COL27A1: variants seen among roughly 807,000 people sequenced by gnomAD.
COL27A1 encodes the protein collagen type XXVII alpha 1 chain, also known as collagen alpha-1(XXVII) chain.
A neutral mutation model predicts 251.3 loss-of-function variants in COL27A1; 106 were observed. The ratio of observed to expected loss-of-function variants is 0.42; its 90% CI spans 0.36 to 0.50. COL27A1 has a LOEUF of 0.50. COL27A1 is among the 20% of genes least tolerant of loss of function. COL27A1 has a pLI of 0.00. For missense variants in COL27A1, 2,325 were observed against 2,522.8 expected (o/e 0.92, Z 1.68); for synonymous variants, 1,000 against 986.3 (o/e 1.01, Z -0.26).
chr9:114,231,730 CG>C, intron 15 of COL27A1, 91 bp from the exon 16 acceptor site: 1 of 1,282,888 alleles, frequency 7.8e-7, no homozygotes, highest in African/African-American at 1.5e-5. Flanking sequence ...GGATCTAGCA[CG>C]GGGTCTTGCA....
At chr9:114,291,309 T>C (rs949639574) in intron 48 of COL27A1, among the ~76,000 whole-genome samples, 1 of 152,134 alleles carries the variant, frequency 6.6e-6, no homozygotes, top group Non-Finnish European at 1.5e-5. Context: ...GGCTGGACAC[T>C]GAAGGGGAGA....
chr9:114,165,674 A>G (rs1170220348), intron 2 of COL27A1, among the ~76,000 whole-genome samples: 3 of 150,154 alleles, frequency 2.0e-5, no homozygotes. Flanking sequence ...CCATCCATCC[A>G]TCCATCCATC....
intron 14 of COL27A1, among the ~76,000 whole-genome samples, chr9:114,227,281 G>A (rs1370375159): frequency 6.7e-6 from 1 of 149,590 alleles, no homozygotes; most frequent in Non-Finnish European, 1.5e-5. Flanking sequence ...TCTCATGTGA[G>A]ACATAGCAAT....
intron 12 of COL27A1, among the ~76,000 whole-genome samples, chr9:114,216,892 C>T (rs7870474): frequency 0.21 from 32,025 of 152,018 alleles, 4,288 homozygotes; most frequent in African/African-American, 0.37. Flanking sequence ...AATGAGCCCT[C>T]GGAGAGCCTG....
Position 114,168,403 on chromosome 9 carries a change from C to G in COL27A1, c.848C>G (p.Pro283Arg). ...GCCACACCAGCCCTGGGGTCACTGCCAGCAGGCAGGGGACCCAGGGGGACT... is the reference window on the plus strand; with the variant it reads ...GCCACACCAGCCCTGGGGTCACTGCGAGCAGGCAGGGGACCCAGGGGGACT... ...TTATPALGSL[P>R]AGRGPRGTVA... Residue 283 changes from proline (P) to arginine (R), a missense_variant, in exon 3 of 61, where the codon CCA (proline) becomes CGA (arginine). Pro to Arg is a moderately radical substitution (Grantham distance 103). Coordinates refer to ENST00000356083, the MANE Select transcript of COL27A1 (RefSeq NM_032888.4). The G allele has an allele frequency of 1.2e-6, 2 of 1,613,524 alleles. No homozygotes were observed. Among genetic ancestry groups the G allele is most frequent in the Non-Finnish European group, 8.5e-7 (1 of 1,179,994 alleles).
rs368012692 is a variant in COL27A1, at chr9:114,290,379, G to A, written c.4368+48G>A. On this transcript the variant is annotated intron_variant, in intron 47 of 60. Coordinates refer to ENST00000356083, the MANE Select transcript of COL27A1 (RefSeq NM_032888.4). The surrounding 1 kb of genome is among the most constrained non-coding windows in gnomAD (Gnocchi z 4.6). The stretch of plus-strand genomic sequence containing the variant: ...AGATGGTGGCTCCATTTGGGACCAG[G>A]TGTAGGGGAACTTCCCCAGGCCATG... 18 of 1,484,130 alleles carry A rather than the reference G, an allele frequency of 1.2e-5. No individual in the cohort carries two copies. Among genetic ancestry groups the A allele is most frequent in the Non-Finnish European group, 1.3e-5 (14 of 1,085,734 alleles). 91.9% of individuals were successfully genotyped at this position (1,484,130 alleles called of 1,614,324 possible).
At chr9:114,286,691 T>C (rs983549301) in intron 41 of COL27A1, among the ~76,000 whole-genome samples, 2 of 152,148 alleles carry the variant, frequency 1.3e-5, no homozygotes, top group Non-Finnish European at 2.9e-5. Context: ...TGTATACATA[T>C]GTAACAAACC....
At chr9:114,283,145 G>A (rs1160175479) in intron 39 of COL27A1, among the ~76,000 whole-genome samples, 2 of 152,214 alleles carry the variant, frequency 1.3e-5, no homozygotes, top group Non-Finnish European at 1.5e-5. Flanking sequence ...AGGCTGGTTT[G>A]TGGTATTTGC....
intron 13 of COL27A1, 86 bp downstream of exon 13, chr9:114,219,930 C>T (rs1425266810): frequency 4.9e-6 from 5 of 1,015,140 alleles, no homozygotes; most frequent in Non-Finnish European, 7.8e-6. Flanking sequence ...TAGGGTCAGA[C>T]AGACCTGGGT....
intron 3 of COL27A1, among the ~76,000 whole-genome samples, chr9:114,175,473 G>T (rs1827355582): frequency 6.6e-6 from 1 of 152,240 alleles, no homozygotes; most frequent in Admixed American, 6.5e-5. Context: ...ACTGAGTAGG[G>T]GAGGGTCCAG....
At chr9:114,307,335 A>C in intron 58 of COL27A1, 1 of 234,924 alleles carries the variant, frequency 4.3e-6, no homozygotes, top group Non-Finnish European at 8.3e-6. Flanking sequence ...GCCTCGAAGA[A>C]TCCATTCAAC....
chr9:114,162,869 CTG>C (rs1270195235), intron 2 of COL27A1, 84 bp downstream of exon 2: 1 of 932,406 alleles, frequency 1.1e-6, no homozygotes, highest in African/African-American at 1.7e-5. Context: ...ACAGCCGTGC[CTG>C]TAATTGGAAC....
intron 24 of COL27A1, among the ~76,000 whole-genome samples, chr9:114,246,857 AT>A (rs1303643272): frequency 6.7e-6 from 1 of 150,186 alleles, no homozygotes; most frequent in East Asian, 2.0e-4. Flanking sequence ...GCCTGGATAT[AT>A]TTCCTGATTG....
rs764217880 is a variant in COL27A1, at chr9:114,250,631, T to C, written c.2996T>C (p.Ile999Thr). 4.3e-6 allele frequency: 7 copies of C among 1,611,960 alleles called. No homozygotes were observed. In the Admixed American group the frequency reaches 8.3e-5, roughly 19 times the overall value. Residue 999 changes from isoleucine to threonine, a missense_variant, in exon 25 of 61, where the codon ATT (isoleucine) becomes ACT (threonine). Ile to Thr is a moderately conservative substitution (Grantham distance 89). Around this residue, in one of 4 missense-constraint regions of COL27A1, gnomAD observed 662 missense variants for 795.3 expected, o/e 0.83. Transcript: ENST00000356083. ...GTCTCATAGGGATTTATGGGATTCA[T>C]TGGTCTGGTCGGGGAGCCAGGAATC... ...PVGEQGFMGF[I>T]GLVGEPGIVG...
chr9:114,282,376 A>G (rs1835971987), intron 38 of COL27A1, 46 bp downstream of exon 38: 1 of 1,610,234 alleles, frequency 6.2e-7, no homozygotes, highest in Non-Finnish European at 8.5e-7. Context: ...CCTCCCCCGC[A>G]TCCCTTCCCC....
At chr9:114,253,266 A>AT (rs1833666598) in intron 27 of COL27A1, among the ~76,000 whole-genome samples, 1 of 151,418 alleles carries the variant, frequency 6.6e-6, no homozygotes, top group Admixed American at 6.6e-5. Flanking sequence ...CTCAAAAAAA[A>AT]GAAAGGAAAA....
At chr9:114,243,929 T>C (rs1428797982) in intron 23 of COL27A1, among the ~76,000 whole-genome samples, 29 of 141,224 alleles carry the variant, frequency 2.1e-4, no homozygotes, top group East Asian at 1.4e-3. Context: ...TCTTTCATTT[T>C]TTTTTTTTTT....
intron 10 of COL27A1, among the ~76,000 whole-genome samples, chr9:114,208,474 A>G (rs117181309): frequency 0.041 from 6,188 of 152,140 alleles, 148 homozygotes; most frequent in Middle Eastern, 0.065. Flanking sequence ...ATAAAAAAAT[A>G]ATAAAATATA....
At chr9:114,249,291 T>C (rs1833363215) in intron 24 of COL27A1, among the ~76,000 whole-genome samples, 1 of 152,258 alleles carries the variant, frequency 6.6e-6, no homozygotes, top group African/African-American at 2.4e-5. Flanking sequence ...TATTTGGTTA[T>C]TTTCTGTGAA....
Sources: allele counts gnomAD v4.1 joint callset (sites outside exome capture counted in the v4.1 genomes callset), GRCh38; gene constraint gnomAD v4.1.1; regional missense constraint gnomAD v4.1.1; non-coding constraint Gnocchi (gnomAD v3.1); transcripts MANE v1.5; gene names NCBI Gene and HGNC (gene_info 2026-07-23, HGNC 2026-07-21).